Variants in EPM2A observed in about 807,000 individuals in gnomAD.
EPM2A encodes the protein EPM2A glucan phosphatase, laforin.
A neutral mutation model predicts 26.5 loss-of-function variants in EPM2A; 21 were observed. That is an observed-to-expected ratio of 0.79 (90% CI 0.56 to 1.14). EPM2A has a LOEUF of 1.14. Ranked by LOEUF, EPM2A falls within the 50% of genes most tolerant of loss-of-function variation. The pLI is 0.00. For missense variants in EPM2A, 458 were observed against 440.8 expected (o/e 1.04, Z -0.35); for synonymous variants, 217 against 177.6 (o/e 1.22, Z -1.76).
intron 4 of EPM2A, among the ~76,000 whole-genome samples, chr6:145,440,149 C>A (rs1779043697): frequency 6.6e-6 from 1 of 152,158 alleles, no homozygotes; most frequent in Non-Finnish European, 1.5e-5. Context: ...ATGTACTCAG[C>A]TCCACATGGC....
At chr6:145,422,968 G>C (rs1036759871) in intron 4 of EPM2A, among the ~76,000 whole-genome samples, 5 of 151,514 alleles carry the variant, frequency 3.3e-5, no homozygotes, top group Non-Finnish European at 7.4e-5. Flanking sequence ...ATATATATTT[G>C]TCATATATTG....
At chr6:145,570,236 C>T (rs1230873344) in intron 2 of EPM2A, among the ~76,000 whole-genome samples, 1 of 152,126 alleles carries the variant, frequency 6.6e-6, no homozygotes, top group East Asian at 1.9e-4. Flanking sequence ...CAAGTCGATA[C>T]TCAGTATTAA....
intron 3 of EPM2A, among the ~76,000 whole-genome samples, chr6:145,634,249 A>C (rs1044221641): frequency 7.2e-5 from 11 of 152,060 alleles, no homozygotes; most frequent in Admixed American, 2.6e-4. Flanking sequence ...GACTGTAGTT[A>C]TCTCTACTCC....
At chr6:145,521,935 G>A (rs1408978171) in intron 2 of EPM2A, among the ~76,000 whole-genome samples, 1 of 152,098 alleles carries the variant, frequency 6.6e-6, no homozygotes, top group African/African-American at 2.4e-5. Flanking sequence ...TAGCTATTTT[G>A]GCCCTAAGTA....
intron 2 of EPM2A, among the ~76,000 whole-genome samples, chr6:145,595,359 C>G (rs1244122724): frequency 2.6e-5 from 4 of 151,592 alleles, no homozygotes; most frequent in African/African-American, 9.7e-5. Flanking sequence ...GGCCTATTCT[C>G]CAAGAAGACA....
intron 2 of EPM2A, among the ~76,000 whole-genome samples, chr6:145,507,478 G>A (rs1025461954): frequency 1.3e-5 from 2 of 152,134 alleles, no homozygotes; most frequent in African/African-American, 4.8e-5. Flanking sequence ...CCAAGGGAGG[G>A]CACCCTGTTT....
chr6:145,444,537 G>T (rs995815038), intron 4 of EPM2A, among the ~76,000 whole-genome samples: 1 of 152,162 alleles, frequency 6.6e-6, no homozygotes, highest in Non-Finnish European at 1.5e-5. Flanking sequence ...TTGTCCTGAA[G>T]TTTTCTTGTT....
At chr6:145,534,267 A>G (rs1269042630) in intron 2 of EPM2A, among the ~76,000 whole-genome samples, 2 of 152,220 alleles carry the variant, frequency 1.3e-5, no homozygotes, top group Non-Finnish European at 2.9e-5. Flanking sequence ...GAATGGGGTC[A>G]TGCATGAAAC....
At chr6:145,488,062 T>C (rs772816093) in intron 4 of EPM2A, among the ~76,000 whole-genome samples, 1 of 136,292 alleles carries the variant, frequency 7.3e-6, no homozygotes, top group African/African-American at 2.7e-5. Flanking sequence ...CAGCACCATT[T>C]ATTGAATAGG....
chr6:145,605,523 A>G (rs901584309), intron 2 of EPM2A, among the ~76,000 whole-genome samples: 2 of 152,144 alleles, frequency 1.3e-5, no homozygotes, highest in Non-Finnish European at 2.9e-5. Context: ...CTGACATTCA[A>G]TCGCAGGAAA....
At chr6:145,448,446 G>A (rs1779152769) in intron 4 of EPM2A, among the ~76,000 whole-genome samples, 1 of 152,088 alleles carries the variant, frequency 6.6e-6, no homozygotes. Context: ...CATCAAAGGA[G>A]TCAGATTATT....
intron 1 of EPM2A, among the ~76,000 whole-genome samples, chr6:145,717,340 C>T (rs1775688597): frequency 6.6e-6 from 1 of 152,142 alleles, no homozygotes; most frequent in African/African-American, 2.4e-5. Context: ...TGTAATCCAG[C>T]ACATAAACAG....
At chr6:145,696,441 C>A (rs754004811) in intron 1 of EPM2A, among the ~76,000 whole-genome samples, 2 of 152,128 alleles carry the variant, frequency 1.3e-5, no homozygotes, top group Non-Finnish European at 2.9e-5. Flanking sequence ...TTTCTCTCCA[C>A]ATAAAATAAG....
intron 1 of EPM2A, among the ~76,000 whole-genome samples, chr6:145,693,881 G>A (rs1480149527): frequency 2.0e-5 from 3 of 151,814 alleles, no homozygotes; most frequent in Non-Finnish European, 2.9e-5. Context: ...GATTTCAAAC[G>A]AAGTGAGTAA....
chr6:145,415,383 T>C (rs1223719702), intron 4 of EPM2A, among the ~76,000 whole-genome samples: 1 of 152,226 alleles, frequency 6.6e-6, no homozygotes, highest in East Asian at 1.9e-4. Flanking sequence ...ACTCTGATAA[T>C]TTTCAACCTG....
rs374697411 is a variant in EPM2A at position 145,392,089 on chromosome 6, A to C, written c.556-7992T>G. Reference sequence around the variant, plus strand: ...AAGAACCAGGGAAACATTCTTTTGAATATTTGAGATCCTGACTAAAGCTAA... The same window carrying C: ...AAGAACCAGGGAAACATTCTTTTGACTATTTGAGATCCTGACTAAAGCTAA... On this transcript the variant is annotated intron_variant, in intron 4 of 4. Transcript: ENST00000638717. Among the ~76,000 whole-genome samples, 53 of 152,276 alleles carry C rather than the reference A, an allele frequency of 3.5e-4. 3 individuals carry two copies. In the East Asian group the frequency reaches 7.5e-3, roughly 22 times the overall value.
intron 2 of EPM2A, among the ~76,000 whole-genome samples, chr6:145,655,075 G>A (rs1778170164): frequency 6.6e-6 from 1 of 151,880 alleles, no homozygotes; most frequent in East Asian, 1.9e-4. Context: ...TTGTGTGTGT[G>A]ACCATGTGGA....
chr6:145,477,365 C>T (rs190788485), intron 4 of EPM2A, among the ~76,000 whole-genome samples: 17 of 151,964 alleles, frequency 1.1e-4, no homozygotes, highest in Admixed American at 3.9e-4. Flanking sequence ...AGAACTAATA[C>T]CAATCCTACT....
At chr6:145,472,288 G>A (rs1288853011) in intron 4 of EPM2A, among the ~76,000 whole-genome samples, 7 of 151,808 alleles carry the variant, frequency 4.6e-5, no homozygotes. Context: ...GAGGGCCCTG[G>A]TGAGCCCCTG....
Sources: allele counts gnomAD v4.1 joint callset (sites outside exome capture counted in the v4.1 genomes callset), GRCh38; gene constraint gnomAD v4.1.1; transcripts MANE v1.5; gene names NCBI Gene and HGNC (gene_info 2026-07-23, HGNC 2026-07-21).